Variants in TMEM182 observed in about 807,000 individuals in gnomAD.
TMEM182 encodes transmembrane protein 182.
A neutral mutation model predicts 26.8 loss-of-function variants in TMEM182; 20 were observed. The observed-to-expected ratio is 0.75, with a 90% CI of 0.53 to 1.09. TMEM182 has a LOEUF of 1.09. Ranked by LOEUF, TMEM182 falls within the 50% of genes least tolerant of loss-of-function variation. The pLI, the probability that TMEM182 is intolerant of heterozygous loss-of-function variation, is 0.00. For synonymous variants in TMEM182, 109 were observed against 102.2 expected (o/e 1.07, Z -0.40); for missense variants, 277 against 275.5 (o/e 1.01, Z -0.04).
chr2:102,811,999 TATA>T (rs923997238), intron 4 of TMEM182, among the ~76,000 whole-genome samples: 3 of 152,202 alleles, frequency 2.0e-5, no homozygotes, highest in African/African-American at 7.2e-5. Flanking sequence ...TATATCTAGG[TATA>T]TATACACATG....
chr2:102,837,322 C>T (rs562848939), intron 3 of TMEM182, among the ~76,000 whole-genome samples: 106 of 151,872 alleles, frequency 7.0e-4, no homozygotes, highest in African/African-American at 2.5e-3. Flanking sequence ...ATAAGAAAAA[C>T]GTTATTTGTT....
intron 3 of TMEM182, among the ~76,000 whole-genome samples, chr2:102,835,708 T>C (rs1008144065): frequency 6.6e-6 from 1 of 152,138 alleles, no homozygotes; most frequent in East Asian, 1.9e-4. Flanking sequence ...TTTATTTTAT[T>C]TTTTTATACT....
chr2:102,817,160 C>G lies in TMEM182; in HGVS notation c.*2192C>G. 1 of 985,262 alleles carries G rather than the reference C, an allele frequency of 1.0e-6. No homozygotes were observed. Among genetic ancestry groups the G allele is most frequent in the Non-Finnish European group, 1.2e-6 (1 of 829,814 alleles). The allele number at this position is 985,262 out of a possible 1,614,324, so 61.0% of individuals were successfully genotyped here. On this transcript the variant is annotated 3_prime_UTR_variant, in exon 5 of 5. Transcript: ENST00000412401. ...ATGAGTGAAATATACTTAAAAATGGCAGAGTTATATAGTACATTATTGTAG... is the reference window on the plus strand; with the variant it reads ...ATGAGTGAAATATACTTAAAAATGGGAGAGTTATATAGTACATTATTGTAG...
downstream of TMEM182, among the ~76,000 whole-genome samples, chr2:102,820,287 C>A (rs77500051): frequency 7.2e-5 from 11 of 152,152 alleles, no homozygotes; most frequent in African/African-American, 2.7e-4. Flanking sequence ...TCATCTGAGA[C>A]GTTCACTAGT....
In TMEM182 at chr2:102,841,740, G is replaced by A. The variant is rs987830426; in HGVS notation, c.326-1672G>A. 3.3e-5 allele frequency among the ~76,000 whole-genome samples: 5 copies of A among 152,130 alleles called. No homozygotes were observed. The South Asian group carries it at 1.0e-3, about 32-fold the overall frequency. ...GGTGGCAATAGCTATATCAATTTTT[G>A]TCCTATTTTCTGACTGTTTGGACAG... On this transcript the variant is annotated intron_variant, in intron 3 of 3. Coordinates refer to the TMEM182 transcript ENST00000486293.
intron 3 of TMEM182, among the ~76,000 whole-genome samples, chr2:102,779,926 C>T (rs529156523): frequency 6.6e-6 from 1 of 152,096 alleles, no homozygotes; most frequent in Non-Finnish European, 1.5e-5. Flanking sequence ...TCGCCTGAAC[C>T]CAGGAGGCGG....
chr2:102,755,107 G>T (rs963119886), intron 1 of TMEM182, among the ~76,000 whole-genome samples: 1 of 152,096 alleles, frequency 6.6e-6, no homozygotes, highest in African/African-American at 2.4e-5. Context: ...GACCCTAAAA[G>T]AAATATTATT....
chr2:102,826,133 G>T (rs1683026082), intron 3 of TMEM182, among the ~76,000 whole-genome samples: 1 of 152,042 alleles, frequency 6.6e-6, no homozygotes, highest in Non-Finnish European at 1.5e-5. Flanking sequence ...GTATCTCATG[G>T]TGCCATGACT....
Position 102,817,611 on chromosome 2 carries a change from T to G in TMEM182, c.*2643T>G. 1.0e-6 allele frequency: 1 copy of G among 975,610 alleles called. No individual in the cohort carries two copies. The highest frequency in any genetic ancestry group is 1.2e-6 in the Non-Finnish European group (1 of 821,016). The allele number at this position is 975,610 out of a possible 1,614,324, so 60.4% of individuals were successfully genotyped here. The stretch of plus-strand genomic sequence containing the variant: ...TTAGTATTCATTTAGTCATTTTTAT[T>G]ACTAATCTATAAATATATTTATTAA... On this transcript the variant is annotated 3_prime_UTR_variant, in exon 5 of 5. Coordinates refer to ENST00000412401, the MANE Select transcript of TMEM182 (RefSeq NM_144632.5).
intron 1 of TMEM182, among the ~76,000 whole-genome samples, chr2:102,746,550 T>C (rs956509671): frequency 5.9e-5 from 9 of 152,188 alleles, no homozygotes; most frequent in Non-Finnish European, 1.2e-4. Flanking sequence ...AAGAGTTTTA[T>C]ACTTTTAGCA....
At chr2:102,774,098 A>T (rs1680800552) in intron 3 of TMEM182, among the ~76,000 whole-genome samples, 1 of 152,164 alleles carries the variant, frequency 6.6e-6, no homozygotes. Context: ...AACATATCTT[A>T]TCTATACATC....
At chr2:102,767,873 G>A (rs1356821577) in intron 3 of TMEM182, among the ~76,000 whole-genome samples, 1 of 152,058 alleles carries the variant, frequency 6.6e-6, no homozygotes, top group Non-Finnish European at 1.5e-5. Flanking sequence ...TATACTTATG[G>A]GGGTGAGCCA....
chr2:102,818,212 C>T (rs1298963428), downstream of TMEM182, among the ~76,000 whole-genome samples: 1 of 152,146 alleles, frequency 6.6e-6, no homozygotes, highest in Non-Finnish European at 1.5e-5. Context: ...CAGAAAACTA[C>T]ATTTTTATTG....
downstream of TMEM182, among the ~76,000 whole-genome samples, chr2:102,818,780 A>ATCTATCTATCTATCTC (rs1262730772): frequency 6.6e-6 from 1 of 151,818 alleles, no homozygotes; most frequent in African/African-American, 2.4e-5. Context: ...CTATCTATCT[A>ATCTATCTATCTATCTC]TCTCTAAATT....
intron 1 of TMEM182, among the ~76,000 whole-genome samples, chr2:102,749,360 A>G (rs375173992): frequency 1.3e-5 from 2 of 152,328 alleles, no homozygotes; most frequent in South Asian, 4.1e-4. Context: ...TATTCCATTT[A>G]GATGAAATAC....
chr2:102,788,317 G>T (rs1681483686), intron 3 of TMEM182, among the ~76,000 whole-genome samples: 1 of 152,162 alleles, frequency 6.6e-6, no homozygotes, highest in South Asian at 2.1e-4. Context: ...CTGATGTGTG[G>T]CAGCAATGGG....
intron 3 of TMEM182, among the ~76,000 whole-genome samples, chr2:102,780,837 G>A (rs1470725092): frequency 1.3e-5 from 2 of 152,270 alleles, no homozygotes; most frequent in East Asian, 3.9e-4. Flanking sequence ...AAGTAGAGGG[G>A]TTATTTTCTA....
chr2:102,831,747 ACT>A (rs1377922698), intron 3 of TMEM182, among the ~76,000 whole-genome samples: 1 of 151,550 alleles, frequency 6.6e-6, no homozygotes, highest in East Asian at 1.9e-4. Flanking sequence ...ACAGAGCTAG[ACT>A]CTGTCTAAAA....
At chr2:102,779,490 T>A (rs913380802) in intron 3 of TMEM182, among the ~76,000 whole-genome samples, 2 of 152,230 alleles carry the variant, frequency 1.3e-5, no homozygotes, top group Admixed American at 1.3e-4. Context: ...ATTCTACAGA[T>A]CTGTCAGTTT....
Sources: allele counts gnomAD v4.1 joint callset (sites outside exome capture counted in the v4.1 genomes callset), GRCh38; gene constraint gnomAD v4.1.1; transcripts MANE v1.5; gene names NCBI Gene and HGNC (gene_info 2026-07-23, HGNC 2026-07-21).